Variants in MOXD1 observed in about 807,000 individuals in gnomAD.
MOXD1 encodes monooxygenase DBH like 1.
A neutral mutation model predicts 66.6 loss-of-function variants in MOXD1; 62 were observed. That is an observed-to-expected ratio of 0.93 (90% CI 0.76 to 1.15). The LOEUF (loss-of-function observed/expected upper bound fraction) is 1.15, where lower values mean the gene tolerates loss of function less well. Ranked by LOEUF, MOXD1 falls within the 50% of genes most tolerant of loss-of-function variation. MOXD1 has a pLI of 0.00. For missense variants in MOXD1, 847 were observed against 754.6 expected (o/e 1.12, Z -1.44); for synonymous variants, 303 against 281.9 (o/e 1.07, Z -0.75).
In MOXD1 at chr6:132,297,050, G is replaced by A. The variant is rs912953853; in HGVS notation, c.*103C>T. The stretch of plus-strand genomic sequence containing the variant: ...GAGGGAGGGAAAATGGGGAAGAAAA[G>A]TCTCCACACTCTTCATGCCCAAAGT... On this transcript the variant is annotated 3_prime_UTR_variant, in exon 12 of 12. Transcript: ENST00000367963. 2 of 1,216,418 alleles carry A rather than the reference G, an allele frequency of 1.6e-6. No individual in the cohort carries two copies. Among genetic ancestry groups the A allele is most frequent in the Admixed American group, 4.6e-5 (2 of 43,490 alleles). The allele number at this position is 1,216,418 out of a possible 1,614,324, so 75.4% of individuals were successfully genotyped here.
chr6:132,379,666 G>C (rs1214444898), intron 1 of MOXD1, among the ~76,000 whole-genome samples: 1 of 152,094 alleles, frequency 6.6e-6, no homozygotes, highest in African/African-American at 2.4e-5. Context: ...CCTTTATTCA[G>C]TATCACATAT....
In MOXD1 at chr6:132,401,261, T is replaced by C. The variant is rs1462021228; in HGVS notation, c.166A>G (p.Thr56Ala). ...SQIAFRLQVR[T>A]AGYVGFGFSP... ...AAGCCGAAGCCCACGTAGCCTGCAG[T>C]GCGCACCTGGAGGCGGAAGGCGATC... Residue 56 changes from threonine to alanine, a missense_variant, in exon 1 of 12, where the codon ACT (threonine) becomes GCT (alanine). Coordinates refer to ENST00000367963, the MANE Select transcript of MOXD1 (RefSeq NM_015529.4). 8 of 1,596,516 alleles carry C rather than the reference T, an allele frequency of 5.0e-6. No individual in the cohort carries two copies. Among genetic ancestry groups the C allele is most frequent in the Non-Finnish European group, 6.8e-6 (8 of 1,177,276 alleles).
Position 132,364,763 on chromosome 6 carries a change from C to G in MOXD1, c.663+7845G>C, listed in dbSNP as rs141890592. Among the ~76,000 whole-genome samples, 74 of 152,254 alleles carry G rather than the reference C, an allele frequency of 4.9e-4. 1 individual carries two copies. The East Asian group carries it at 0.014, about 29-fold the overall frequency. On this transcript the variant is annotated intron_variant, in intron 4 of 11. Transcript: ENST00000367963. ...TCTAATACATTGCCAAACATATAAG[C>G]ACTCTACAGATACTGCCTTCATTTG...
At chr6:132,325,369 G>T (rs1775165969) in intron 6 of MOXD1, among the ~76,000 whole-genome samples, 1 of 152,206 alleles carries the variant, frequency 6.6e-6, no homozygotes, top group South Asian at 2.1e-4. Context: ...GAATGTTGTT[G>T]AAAATTAATG....
rs751172703 is a variant in MOXD1, at chr6:132,322,710, T to C, written c.1274A>G (p.Gln425Arg). 6.2e-7 allele frequency: 1 copy of C among 1,613,904 alleles called. No individual in the cohort carries two copies. The highest frequency in any genetic ancestry group is 8.5e-7 in the Non-Finnish European group (1 of 1,179,920). Reference sequence around the variant, plus strand: ...GATTGTTTGTTCTTCCTTTAGATACTGAAACTCCTGGAAATTGAAGTCAAA... The same window carrying C: ...GATTGTTTGTTCTTCCTTTAGATACCGAAACTCCTGGAAATTGAAGTCAAA... The part of the protein sequence containing the change: ...DDFDFNFQEF[Q>R]YLKEEQTILP... Residue 425 changes from glutamine (Q) to arginine (R), a missense_variant, in exon 8 of 12, where the codon CAG (glutamine) becomes CGG (arginine). Transcript: ENST00000367963.
intron 6 of MOXD1, among the ~76,000 whole-genome samples, chr6:132,326,932 T>C (rs1775201551): frequency 6.6e-6 from 1 of 152,198 alleles, no homozygotes; most frequent in Non-Finnish European, 1.5e-5. Flanking sequence ...AGAGTGGTCT[T>C]TTCAAAATAC....
At chr6:132,366,176 C>A (rs1776118567) in intron 4 of MOXD1, among the ~76,000 whole-genome samples, 1 of 151,936 alleles carries the variant, frequency 6.6e-6, no homozygotes, top group African/African-American at 2.4e-5. Context: ...AAAGTATTTT[C>A]ACGTAAGATA....
intron 4 of MOXD1, among the ~76,000 whole-genome samples, chr6:132,345,987 C>T (rs1332161982): frequency 2.0e-5 from 3 of 151,748 alleles, no homozygotes; most frequent in African/African-American, 7.3e-5. Context: ...CTCTGGATTA[C>T]ATTTTGCTTT....
intron 4 of MOXD1, among the ~76,000 whole-genome samples, chr6:132,354,755 G>T (rs1022084934): frequency 7.2e-5 from 11 of 152,188 alleles, no homozygotes; most frequent in African/African-American, 2.4e-4. Context: ...ACCAGGGTGG[G>T]TAGGGAAGGC....
chr6:132,315,599 T>A, intron 10 of MOXD1, 36 bp downstream of exon 10: 1 of 1,576,998 alleles, frequency 6.3e-7, no homozygotes, highest in Non-Finnish European at 8.6e-7. Flanking sequence ...TTCTCTGAAA[T>A]ACGTTACCCC....
chr6:132,313,002 A>C (rs938046409), intron 10 of MOXD1, among the ~76,000 whole-genome samples: 1 of 152,182 alleles, frequency 6.6e-6, no homozygotes, highest in African/African-American at 2.4e-5. Flanking sequence ...AATATTTGAA[A>C]ACCAAGACTA....
At chr6:132,364,910 C>T (rs1021887584) in intron 4 of MOXD1, among the ~76,000 whole-genome samples, 10 of 152,130 alleles carry the variant, frequency 6.6e-5, no homozygotes, top group African/African-American at 2.2e-4. Context: ...AGCCAAGATT[C>T]AAACCAGTTG....
rs1056218711 is a variant in MOXD1, at chr6:132,372,644, C to T, written c.627G>A (p.Lys209=). The part of the protein sequence containing the change: ...KDTTYWCQMF[K]IPVFQEKHHV... ...GATGCTTTTCTTGGAACACAGGAATCTTAAACATTTGGCACCAATATGTTG... is the reference window on the plus strand; with the variant it reads ...GATGCTTTTCTTGGAACACAGGAATTTTAAACATTTGGCACCAATATGTTG... Residue 209 remains lysine (K), a synonymous_variant, in exon 4 of 12, where the codon AAG becomes AAA. Transcript: ENST00000367963. 1 of 1,613,936 alleles carries T rather than the reference C, an allele frequency of 6.2e-7. No individual in the cohort carries two copies.
At chr6:132,389,208 CTA>C (rs1776708292) in intron 1 of MOXD1, among the ~76,000 whole-genome samples, 1 of 151,222 alleles carries the variant, frequency 6.6e-6, no homozygotes, top group Non-Finnish European at 1.5e-5. Context: ...CCAGCCCTCA[CTA>C]TATAAATTAG....
intron 4 of MOXD1, among the ~76,000 whole-genome samples, 194 bp from the exon 5 acceptor site, chr6:132,328,788 C>T (rs189520634): frequency 1.1e-4 from 16 of 152,214 alleles, no homozygotes; most frequent in East Asian, 9.6e-4. Context: ...ATGATGACAA[C>T]GGCAACAACA....
chr6:132,312,794 T>C (rs17718924), intron 10 of MOXD1, among the ~76,000 whole-genome samples: 7,775 of 151,546 alleles, frequency 0.051, 569 homozygotes, highest in East Asian at 0.33. Flanking sequence ...AGAGGCTTCA[T>C]ACCATTTAAA....
intron 1 of MOXD1, among the ~76,000 whole-genome samples, chr6:132,396,072 A>G (rs1307580623): frequency 6.6e-6 from 1 of 152,212 alleles, no homozygotes; most frequent in African/African-American, 2.4e-5. Context: ...ATTTCATCCA[A>G]CAGCTACAGA....
chr6:132,313,855 C>T (rs1431076675), intron 10 of MOXD1, among the ~76,000 whole-genome samples: 1 of 152,146 alleles, frequency 6.6e-6, no homozygotes, highest in Admixed American at 6.5e-5. Context: ...GCAGAGGTTG[C>T]AGTGAGCTGA....
chr6:132,297,135 A>C lies in MOXD1; in HGVS notation c.*18T>G. 1.2e-6 allele frequency: 2 copies of C among 1,611,504 alleles called. No homozygotes were observed. The highest frequency in any genetic ancestry group is 1.7e-6 in the Non-Finnish European group (2 of 1,178,364). The stretch of plus-strand genomic sequence containing the variant: ...GTTCAGATCATAGAAAACATTGTCA[A>C]GTCCAACAGAATTTTGATCACAAGC... On this transcript the variant is annotated 3_prime_UTR_variant, in exon 12 of 12. Transcript: ENST00000367963.
Sources: gnomAD v4.1 joint callset for allele counts (sites outside exome capture counted in the v4.1 genomes callset) on GRCh38, gnomAD v4.1.1 for gene constraint, MANE v1.5 for transcripts, NCBI Gene and HGNC (gene_info 2026-07-23, HGNC 2026-07-21) for gene names.